The following HTATIP2 variants were observed in gnomAD, a reference collection of about 807,000 sequenced individuals.
HTATIP2 encodes protein HTATIP2.
A neutral mutation model predicts 24.7 loss-of-function variants in HTATIP2; 26 were observed. The ratio of observed to expected loss-of-function variants is 1.05; its 90% CI spans 0.77 to 1.46. HTATIP2 has a LOEUF of 1.46. HTATIP2 is among the 40% of genes most tolerant of loss of function. The probability of loss-of-function intolerance (pLI) is 0.00; values close to 1 mark genes in which losing one functional copy is unlikely to be tolerated. For missense variants in HTATIP2, 284 were observed against 289.6 expected (o/e 0.98, Z 0.14); for synonymous variants, 99 against 113.2 (o/e 0.87, Z 0.79).
At position 20,382,217 on chromosome 11, in the gene HTATIP2, C is replaced by T. The variant is rs376468659; in HGVS notation, c.481C>T (p.Arg161Cys). The part of the protein sequence containing the change: ...EAKVEELKFD[R>C]YSVFRPGVLL... ...CAAGGTTGAAGAATTAAAATTTGAT[C>T]GTTACTCTGTATTTAGGCCTGGGTA... Residue 161 changes from arginine (R) to cysteine (C), a missense_variant, in exon 4 of 5, where the codon CGT (arginine) becomes TGT (cysteine). Transcript: ENST00000451739. The T allele has an allele frequency of 1.6e-5, 26 of 1,590,186 alleles. 1 individual carries two copies. The highest frequency in any genetic ancestry group is 2.2e-5 in the South Asian group (2 of 90,448).
At chr11:20,369,044 A>G (rs1375706301) in intron 2 of HTATIP2, among the ~76,000 whole-genome samples, 1 of 152,204 alleles carries the variant, frequency 6.6e-6, no homozygotes, top group Non-Finnish European at 1.5e-5. Flanking sequence ...TTATACCAGA[A>G]AAGTGTTTTG....
chr11:20,368,654 C>A (rs2064739343), intron 2 of HTATIP2, among the ~76,000 whole-genome samples: 1 of 152,216 alleles, frequency 6.6e-6, no homozygotes, highest in Non-Finnish European at 1.5e-5. Context: ...AAGTGCCAAC[C>A]TGGTTTTGGT....
chr11:20,366,391 C>G (rs945381463), intron 1 of HTATIP2, among the ~76,000 whole-genome samples: 1 of 152,002 alleles, frequency 6.6e-6, no homozygotes, highest in African/African-American at 2.4e-5. Flanking sequence ...CAGTGAAACC[C>G]TATTTTTCTT....
intron 1 of HTATIP2, among the ~76,000 whole-genome samples, chr11:20,366,731 GA>G (rs1013698922): frequency 4.8e-5 from 7 of 147,348 alleles, no homozygotes; most frequent in Admixed American, 6.8e-5. Flanking sequence ...TTTTACAGCT[GA>G]AAAAAAAAAG....
At chr11:20,365,469 C>A (rs1266530663) in intron 1 of HTATIP2, among the ~76,000 whole-genome samples, 1 of 152,144 alleles carries the variant, frequency 6.6e-6, no homozygotes, top group African/African-American at 2.4e-5. Context: ...GAATTTGGCC[C>A]CACAGGTTTC....
chr11:20,375,657 T>C (rs1434125081), intron 2 of HTATIP2, among the ~76,000 whole-genome samples: 4 of 152,332 alleles, frequency 2.6e-5, no homozygotes, highest in Admixed American at 2.0e-4. Context: ...TGACTACCTA[T>C]AAAGTTCAGC....
At chr11:20,379,581 G>A (rs766767677) in intron 3 of HTATIP2, among the ~76,000 whole-genome samples, 1 of 152,126 alleles carries the variant, frequency 6.6e-6, no homozygotes, top group Non-Finnish European at 1.5e-5. Flanking sequence ...CATTCATGGT[G>A]GGCCAGCTCT....
chr11:20,366,099 C>CTTTTTTTTTTTTTTTT (rs746247166), intron 1 of HTATIP2, among the ~76,000 whole-genome samples: 44 of 108,690 alleles, frequency 4.0e-4, no homozygotes, highest in African/African-American at 5.0e-4. Flanking sequence ...CTTTTCTTTT[C>CTTTTTTTTTTTTTTTT]TTTTTTTTTT....
chr11:20,365,822 T>G (rs1174365698), intron 1 of HTATIP2, among the ~76,000 whole-genome samples: 1 of 151,296 alleles, frequency 6.6e-6, no homozygotes, highest in Non-Finnish European at 1.5e-5. Flanking sequence ...AATACAGAAA[T>G]TAGCTGGGCG....
In HTATIP2 at chr11:20,366,631, G is replaced by A. The variant is rs148534870; in HGVS notation, c.196-543G>A. Reference sequence around the variant, plus strand: ...TGATTCAGAACTATTGGTGTGGGATGTAGGAATATGCCTTTTTATTAAGCA... The same window carrying A: ...TGATTCAGAACTATTGGTGTGGGATATAGGAATATGCCTTTTTATTAAGCA... On this transcript the variant is annotated intron_variant, in intron 1 of 4. Transcript: ENST00000451739. Among the ~76,000 whole-genome samples, 316 of 152,206 alleles carry A rather than the reference G, an allele frequency of 2.1e-3. 3 individuals are homozygous for A. Among genetic ancestry groups the A allele is most frequent in the Non-Finnish European group, 3.6e-3 (243 of 68,012 alleles).
intron 3 of HTATIP2, among the ~76,000 whole-genome samples, chr11:20,380,974 A>G (rs1236275548): frequency 6.6e-6 from 1 of 152,184 alleles, no homozygotes; most frequent in Non-Finnish European, 1.5e-5. Flanking sequence ...GAATAGGCAA[A>G]TCTATAGAGA....
chr11:20,380,691 AGCTAAG>A (rs1848507382), intron 3 of HTATIP2, among the ~76,000 whole-genome samples: 1 of 148,044 alleles, frequency 6.8e-6, no homozygotes, highest in African/African-American at 2.5e-5. Context: ...AAAAAAAAAA[AGCTAAG>A]AAATGTGTGT....
chr11:20,378,656 A>T (rs929990006), intron 3 of HTATIP2, among the ~76,000 whole-genome samples: 11 of 152,166 alleles, frequency 7.2e-5, no homozygotes, highest in South Asian at 4.1e-4. Context: ...CCAGATTTTT[A>T]AAAAAATAGC....
At chr11:20,368,003 A>G (rs1404728144) in intron 2 of HTATIP2, among the ~76,000 whole-genome samples, 2 of 152,330 alleles carry the variant, frequency 1.3e-5, no homozygotes, top group African/African-American at 2.4e-5. Context: ...TTCCTCTGGC[A>G]GAATTTACAT....
At position 20,383,247 on chromosome 11, in the gene HTATIP2, A is replaced by G. The variant is rs1848549952; in HGVS notation, c.*42A>G. On this transcript the variant is annotated 3_prime_UTR_variant, in exon 5 of 5. Transcript: ENST00000451739. Reference sequence around the variant, plus strand: ...GTTTTTATTGTCAACCTTAACACCCATCACCAAATCGGTAATTTCAGGGTC... The same window carrying G: ...GTTTTTATTGTCAACCTTAACACCCGTCACCAAATCGGTAATTTCAGGGTC... The G allele has an allele frequency of 6.9e-7, 1 of 1,442,512 alleles. No homozygotes were observed. Among genetic ancestry groups the G allele is most frequent in the African/African-American group, 1.4e-5 (1 of 71,416 alleles). 89.4% of individuals were successfully genotyped at this position (1,442,512 alleles called of 1,614,324 possible).
chr11:20,367,769 A>C (rs2064727099), intron 2 of HTATIP2: 1 of 601,752 alleles, frequency 1.7e-6, no homozygotes, highest in African/African-American at 2.0e-5. Flanking sequence ...GCGATGACTC[A>C]GCCTTCAGCG....
At chr11:20,381,452 C>T (rs903343382) in intron 3 of HTATIP2, among the ~76,000 whole-genome samples, 3 of 151,614 alleles carry the variant, frequency 2.0e-5, no homozygotes, top group Non-Finnish European at 4.4e-5. Flanking sequence ...ACAAAAAATA[C>T]ATAAATAAAT....
At chr11:20,369,533 G>C (rs900333938) in intron 2 of HTATIP2, among the ~76,000 whole-genome samples, 1 of 152,172 alleles carries the variant, frequency 6.6e-6, no homozygotes, top group Non-Finnish European at 1.5e-5. Flanking sequence ...CTGGAGGCTA[G>C]AAGTCTGAGA....
intron 2 of HTATIP2, among the ~76,000 whole-genome samples, chr11:20,370,896 G>A (rs1006159976): frequency 9.2e-5 from 14 of 152,134 alleles, no homozygotes; most frequent in Non-Finnish European, 1.6e-4. Context: ...TGATCTGCCC[G>A]TCTTGGCCTC....
Sources: allele counts gnomAD v4.1 joint callset (sites outside exome capture counted in the v4.1 genomes callset), GRCh38; gene constraint gnomAD v4.1.1; transcripts MANE v1.5; gene names NCBI Gene and HGNC (gene_info 2026-07-23, HGNC 2026-07-21).